DNM3: variants seen among roughly 807,000 people sequenced by gnomAD.
DNM3 encodes the protein dynamin-3.
Under a neutral mutation model 101.6 loss-of-function variants are expected in DNM3, and 47 were observed. The observed-to-expected ratio is 0.46, with a 90% CI of 0.37 to 0.59. The LOEUF (loss-of-function observed/expected upper bound fraction) is 0.59. DNM3 is among the 20% of genes least tolerant of loss of function. The pLI is 0.00. For synonymous variants in DNM3, 385 were observed against 387.9 expected (o/e 0.99, Z 0.09); for missense variants, 849 against 1,085.7 (o/e 0.78, Z 3.06).
intron 14 of DNM3, among the ~76,000 whole-genome samples, chr1:172,248,934 A>G (rs996194011): frequency 1.3e-5 from 2 of 152,210 alleles, no homozygotes; most frequent in African/African-American, 4.8e-5. Context: ...AAGGACTCAT[A>G]GTCTTACCTT....
chr1:172,213,019 G>T (rs2060566348), intron 14 of DNM3, among the ~76,000 whole-genome samples: 1 of 152,120 alleles, frequency 6.6e-6, no homozygotes, highest in Non-Finnish European at 1.5e-5. Flanking sequence ...AGGTCAAAGA[G>T]CTACTTGGAG....
In DNM3 at chr1:172,411,278, T is replaced by C. The variant is rs545763529; in HGVS notation, c.*3437T>C. 18 of 985,152 alleles carry C rather than the reference T, an allele frequency of 1.8e-5. No homozygotes were observed. Among genetic ancestry groups the C allele is most frequent in the Non-Finnish European group, 2.0e-5 (17 of 829,772 alleles). 61.0% of individuals were successfully genotyped at this position (985,152 alleles called of 1,614,324 possible). A position where few individuals can be genotyped will look rare whatever the true frequency, so the allele number is the denominator to read the frequency against. ...GTATACAAAATTTTCTAACTCCAGA[T>C]TGTAGTCATTTTGAGAGGTACAAAG... On this transcript the variant is annotated 3_prime_UTR_variant, in exon 21 of 21. Transcript: ENST00000627582.
At chr1:171,956,537 A>G (rs2042871109) in intron 2 of DNM3, among the ~76,000 whole-genome samples, 1 of 151,820 alleles carries the variant, frequency 6.6e-6, no homozygotes, top group Non-Finnish European at 1.5e-5. Context: ...GGCTGCTTTC[A>G]TGGGCTGGCA....
intron 15 of DNM3, among the ~76,000 whole-genome samples, chr1:172,301,314 C>A (rs950881273): frequency 6.6e-6 from 1 of 152,102 alleles, no homozygotes; most frequent in Admixed American, 6.6e-5. Context: ...CCAGCTTGGG[C>A]AACACAGTGA....
At chr1:172,316,137 TA>T (rs1214279328) in intron 16 of DNM3, among the ~76,000 whole-genome samples, 1 of 152,010 alleles carries the variant, frequency 6.6e-6, no homozygotes, top group African/African-American at 2.4e-5. Flanking sequence ...CCAGCCAAAC[TA>T]AGCTTCATAA....
intron 15 of DNM3, among the ~76,000 whole-genome samples, chr1:172,270,098 CAA>C (rs1300729779): frequency 6.6e-6 from 1 of 151,628 alleles, no homozygotes; most frequent in Non-Finnish European, 1.5e-5. Flanking sequence ...ATAAAAAGTC[CAA>C]AGAGGATTAT....
Position 172,061,949 on chromosome 1 carries a change from A to C in DNM3, c.1336-6870A>C, listed in dbSNP as rs184477408. On this transcript the variant is annotated intron_variant, in intron 10 of 20. Transcript: ENST00000627582. ...CTGTGCTGTGCTTTGCATGTAATAC[A>C]TGTCTAATGTAATAGGCTTTAGTGC... Among the ~76,000 whole-genome samples the C allele has an allele frequency of 3.0e-3, 461 of 152,298 alleles. 2 individuals are homozygous for C. The highest frequency in any genetic ancestry group is 0.011 in the Admixed American group (172 of 15,304).
rs1267712615 is a variant in DNM3, at chr1:172,409,305, T to C, written c.*1464T>C. 5.1e-6 allele frequency: 5 copies of C among 985,208 alleles called. No individual in the cohort carries two copies. Among genetic ancestry groups the C allele is most frequent in the Non-Finnish European group, 2.4e-6 (2 of 829,844 alleles). The allele number at this position is 985,208 out of a possible 1,614,324, so 61.0% of individuals were successfully genotyped here. A position where few individuals can be genotyped will look rare whatever the true frequency, so the allele number is the denominator to read the frequency against. On this transcript the variant is annotated 3_prime_UTR_variant, in exon 21 of 21. Coordinates refer to ENST00000627582, the MANE Select transcript of DNM3 (RefSeq NM_015569.5). ...CTCCCTTTGAAAGTAGCAAACATGA[T>C]TTGTATGTTAACTTAACTTTAATTT...
intron 14 of DNM3, among the ~76,000 whole-genome samples, chr1:172,220,692 C>A (rs2060875528): frequency 6.6e-6 from 1 of 152,068 alleles, no homozygotes; most frequent in Non-Finnish European, 1.5e-5. Context: ...GAAGGGAAAG[C>A]AGTGTGTTTA....
At chr1:172,331,389 AG>A (rs2066177102) in intron 17 of DNM3, among the ~76,000 whole-genome samples, 1 of 152,332 alleles carries the variant, frequency 6.6e-6, no homozygotes, top group African/African-American at 2.4e-5. Flanking sequence ...TAAATGTAAA[AG>A]TCAACTCATT....
At chr1:171,899,954 A>T (rs1365127528) in intron 1 of DNM3, among the ~76,000 whole-genome samples, 1 of 152,248 alleles carries the variant, frequency 6.6e-6, no homozygotes, top group Non-Finnish European at 1.5e-5. Flanking sequence ...ACCAGATAGA[A>T]GAAACTGCAT....
chr1:171,945,575 G>A (rs2042120403), intron 2 of DNM3, among the ~76,000 whole-genome samples: 1 of 152,168 alleles, frequency 6.6e-6, no homozygotes, highest in South Asian at 2.1e-4. Flanking sequence ...GGAAATGGGG[G>A]AAATGGAGGA....
intron 17 of DNM3, among the ~76,000 whole-genome samples, chr1:172,332,529 C>G (rs762398453): frequency 3.3e-5 from 5 of 152,128 alleles, no homozygotes; most frequent in Non-Finnish European, 7.4e-5. Context: ...AGGCTGGTCT[C>G]GAACTCCTGA....
At chr1:172,290,597 GTGA>G (rs1364862826) in intron 15 of DNM3, among the ~76,000 whole-genome samples, 1 of 152,128 alleles carries the variant, frequency 6.6e-6, no homozygotes, top group Non-Finnish European at 1.5e-5. Context: ...AAACAGGGTG[GTGA>G]TAAAATATAC....
At chr1:172,001,568 C>G (rs567354588) in intron 4 of DNM3, among the ~76,000 whole-genome samples, 28 of 152,078 alleles carry the variant, frequency 1.8e-4, no homozygotes, top group African/African-American at 6.5e-4. Context: ...GCTAGGGAGG[C>G]AAATGTGTCT....
At chr1:172,291,796 C>T (rs2063927438) in intron 15 of DNM3, among the ~76,000 whole-genome samples, 1 of 152,088 alleles carries the variant, frequency 6.6e-6, no homozygotes, top group South Asian at 2.1e-4. Flanking sequence ...ATTTGGCAAT[C>T]TGGATACAGG....
intron 14 of DNM3, among the ~76,000 whole-genome samples, chr1:172,251,176 A>G (rs970852188): frequency 6.6e-6 from 1 of 152,146 alleles, no homozygotes; most frequent in African/African-American, 2.4e-5. Flanking sequence ...GAACTGACAA[A>G]AAAGATTTAG....
At chr1:171,974,706 A>G (rs1425738086) in intron 2 of DNM3, among the ~76,000 whole-genome samples, 1 of 152,244 alleles carries the variant, frequency 6.6e-6, no homozygotes, top group African/African-American at 2.4e-5. Context: ...ATTAAAAACA[A>G]AAATTATCTA....
intron 17 of DNM3, 58 bp downstream of exon 17, chr1:172,323,398 CA>C (rs2065812094): frequency 3.2e-6 from 5 of 1,564,172 alleles, no homozygotes; most frequent in Non-Finnish European, 4.3e-6. Context: ...TCCGCTCCTG[CA>C]TGTCTTGACA....
Sources: gnomAD v4.1 joint callset for allele counts (sites outside exome capture counted in the v4.1 genomes callset) on GRCh38, gnomAD v4.1.1 for gene constraint, MANE v1.5 for transcripts, NCBI Gene and HGNC (gene_info 2026-07-23, HGNC 2026-07-21) for gene names.